The following PDGFRA variants were observed in gnomAD, a reference collection of about 807,000 sequenced individuals.
PDGFRA encodes the protein platelet derived growth factor receptor alpha, also known as platelet-derived growth factor receptor alpha.
In PDGFRA, 25 loss-of-function variants were observed where a neutral mutation model predicts 121.5. The ratio of observed to expected loss-of-function variants is 0.21; its 90% CI spans 0.15 to 0.29. PDGFRA has a LOEUF of 0.29. PDGFRA is among the 10% of genes least tolerant of loss of function. The probability of loss-of-function intolerance (pLI) is 1.00; values close to 1 mark genes in which losing one functional copy is unlikely to be tolerated. For synonymous variants in PDGFRA, 463 were observed against 494.8 expected (o/e 0.94, Z 0.85); for missense variants, 1,008 against 1,345.1 (o/e 0.75, Z 3.92).
At chr4:54,288,208 G>T (rs571382717) in intron 19 of PDGFRA, among the ~76,000 whole-genome samples, 12 of 152,298 alleles carry the variant, frequency 7.9e-5, no homozygotes, top group Admixed American at 2.6e-4. Flanking sequence ...TTCAGAGAGG[G>T]AACTTAACTT....
At chr4:54,286,712 A>G (rs1399471161) in intron 18 of PDGFRA, among the ~76,000 whole-genome samples, 1 of 152,192 alleles carries the variant, frequency 6.6e-6, no homozygotes, top group African/African-American at 2.4e-5. Context: ...ATGCATTCCC[A>G]AGGATGGTGT....
chr4:54,283,749 T>C (rs1724182278), intron 16 of PDGFRA, among the ~76,000 whole-genome samples: 1 of 152,214 alleles, frequency 6.6e-6, no homozygotes, highest in African/African-American at 2.4e-5. Flanking sequence ...TCCAACCTTT[T>C]ATGCTCTGCT....
chr4:54,288,347 A>G (rs1037755161), intron 19 of PDGFRA, among the ~76,000 whole-genome samples: 5 of 152,122 alleles, frequency 3.3e-5, no homozygotes, highest in East Asian at 1.9e-4. Flanking sequence ...GATGATCACA[A>G]TGGATCATCC....
chr4:54,288,966 T>A (rs1264058151), intron 20 of PDGFRA, 43 bp from the exon 21 acceptor site: 52 of 1,515,298 alleles, frequency 3.4e-5, no homozygotes, highest in Non-Finnish European at 4.6e-5. Context: ...GGAGGGGCCC[T>A]GAGACTTCCC....
intron 3 of PDGFRA, among the ~76,000 whole-genome samples, chr4:54,261,929 AT>A: frequency 1.7e-5 from 1 of 60,480 alleles, no homozygotes; most frequent in African/African-American, 6.7e-5. Flanking sequence ...ATATATATAT[AT>A]ATTTTTTTTT....
intron 8 of PDGFRA, among the ~76,000 whole-genome samples, chr4:54,271,930 T>C: frequency 1.1e-5 from 1 of 92,214 alleles, no homozygotes; most frequent in Non-Finnish European, 2.2e-5. Context: ...CTCTTTTCCT[T>C]TCTCTCCTTC....
chr4:54,275,350 C>G (rs955634111), intron 12 of PDGFRA, among the ~76,000 whole-genome samples: 1 of 152,134 alleles, frequency 6.6e-6, no homozygotes, highest in African/African-American at 2.4e-5. Flanking sequence ...TATTTTGATT[C>G]AGTACATTCT....
rs187377235 is a variant in PDGFRA at position 54,255,651 on chromosome 4, G to T, written c.-12-3106G>T. Among the ~76,000 whole-genome samples, 959 of 151,910 alleles carry T rather than the reference G, an allele frequency of 6.3e-3. 6 individuals are homozygous for T. The highest frequency in any genetic ancestry group is 0.021 in the African/African-American group (858 of 41,428). Reference sequence around the variant, plus strand: ...CTCCTGAGTAGCGGGGACTACAGGTGCCTGCCACCACGCCCGGCTAATTTT... The same window carrying T: ...CTCCTGAGTAGCGGGGACTACAGGTTCCTGCCACCACGCCCGGCTAATTTT... On this transcript the variant is annotated intron_variant, in intron 1 of 22. Coordinates refer to ENST00000257290, the MANE Select transcript of PDGFRA (RefSeq NM_006206.6).
Position 54,290,313 on chromosome 4 carries a change from A to G in PDGFRA, c.2881A>G (p.Ser961Gly). The G allele has an allele frequency of 6.2e-7, 1 of 1,609,094 alleles. No homozygotes were observed. Among genetic ancestry groups the G allele is most frequent in the Non-Finnish European group, 8.5e-7 (1 of 1,175,364 alleles). ...AAATATGTTCAATGAATGTTTATAG[A>G]GTTATGAAAAAATTCACCTGGACTT... ...ENLLPGQYKK[S>G]YEKIHLDFLK... The change falls in exon 22 of 23, where the codon AGT (serine) becomes GGT (glycine). Residue 961 changes from serine (S) to glycine (G), a missense_variant and splice_region_variant. Transcript: ENST00000257290.
chr4:54,270,397 T>C (rs1194432105), intron 7 of PDGFRA, among the ~76,000 whole-genome samples: 1 of 152,222 alleles, frequency 6.6e-6, no homozygotes, highest in African/African-American at 2.4e-5. Context: ...CTCTTGGAGA[T>C]GGCCATTGCT....
Position 54,297,087 on chromosome 4 carries a change from T to TG in PDGFRA, c.*1817dup. ...TCTCTGTGTAACCAGCTCAGTGTTTTGGTGGAAAAAACATTTTAAGTTTTA... is the reference window on the plus strand; with the variant it reads ...TCTCTGTGTAACCAGCTCAGTGTTTTGGGTGGAAAAAACATTTTAAGTTTTA... On this transcript the variant is annotated 3_prime_UTR_variant, in exon 23 of 23. Transcript: ENST00000257290. The TG allele has an allele frequency of 4.3e-6, 1 of 233,208 alleles. No individual in the cohort carries two copies. The highest frequency in any genetic ancestry group is 8.5e-6 in the Non-Finnish European group (1 of 118,002). 14.4% of individuals were successfully genotyped at this position (233,208 alleles called of 1,614,324 possible).
chr4:54,229,445 T>G (rs1361446451), intron 1 of PDGFRA, 30 bp downstream of exon 1: 1 of 397,666 alleles, frequency 2.5e-6, no homozygotes, highest in Non-Finnish European at 4.4e-6. Flanking sequence ...GATTTTTTGT[T>G]TATAAGGGAA....
Position 54,295,127 on chromosome 4 carries a change from C to A in PDGFRA, c.3125C>A (p.Ser1042Ter). The A allele has an allele frequency of 6.2e-7, 1 of 1,613,936 alleles. No individual in the cohort carries two copies. The highest frequency in any genetic ancestry group is 8.5e-7 in the Non-Finnish European group (1 of 1,179,846). ...TTGCTCTTCTCTCCCTCCTCCAGCT[C>A]GCAGACCTCTGAAGAGAGTGCCATT... ...EDLGKRNRHS[S>*]QTSEESAIET... Residue 1042 changes from serine to a stop codon, truncating the protein, a stop_gained and splice_region_variant, in exon 23 of 23, where the codon TCG becomes TAG. Coordinates refer to ENST00000257290, the MANE Select transcript of PDGFRA (RefSeq NM_006206.6). LOFTEE classifies it high-confidence loss of function.
At chr4:54,285,066 T>C (rs572438063) in intron 16 of PDGFRA, among the ~76,000 whole-genome samples, 4 of 151,260 alleles carry the variant, frequency 2.6e-5, no homozygotes, top group South Asian at 2.1e-4. Flanking sequence ...GCTAATTTTT[T>C]TGTATTATTA....
chr4:54,260,397 G>GTTTTTTTTTTTTTTTT (rs68009440), intron 2 of PDGFRA, among the ~76,000 whole-genome samples: 1 of 64,600 alleles, frequency 1.5e-5, no homozygotes, highest in African/African-American at 6.8e-5. Flanking sequence ...TTCCATGTGG[G>GTTTTTTTTTTTTTTTT]TTTTTTTTTT....
At chr4:54,267,245 G>A (rs780176854) in intron 5 of PDGFRA, 44 bp from the exon 6 acceptor site, 2 of 1,585,808 alleles carry the variant, frequency 1.3e-6, no homozygotes, top group East Asian at 2.2e-5. Flanking sequence ...TCACTCCTAG[G>A]AGCGAGCTTT....
Position 54,247,459 on chromosome 4 carries a change from A to C in PDGFRA, c.-12-11298A>C, listed in dbSNP as rs545923190. 6.9e-3 allele frequency among the ~76,000 whole-genome samples: 1,057 copies of C among 152,262 alleles called. 9 individuals are homozygous for C. Among genetic ancestry groups the C allele is most frequent in the African/African-American group, 0.024 (996 of 41,522 alleles). ...TAATCCAGCATGTAAACAGAACCAA[A>C]GACAAAAACCACATGATTATCTCAA... On this transcript the variant is annotated intron_variant, in intron 1 of 22. Transcript: ENST00000257290.
At position 54,258,785 on chromosome 4, in the gene PDGFRA, C is replaced by T. The variant is rs754092062; in HGVS notation, c.17C>T (p.Pro6Leu). Reference sequence around the variant, plus strand: ...CCCAGAGCTATGGGGACTTCCCATCCGGCGTTCCTGGTCTTAGGCTGTCTT... The same window carrying T: ...CCCAGAGCTATGGGGACTTCCCATCTGGCGTTCCTGGTCTTAGGCTGTCTT... MGTSH[P>L]AFLVLGCLLT... Residue 6 changes from proline (P) to leucine (L), a missense_variant, in exon 2 of 23, where the codon CCG becomes CTG. Physicochemically the swap from Pro to Leu is moderately conservative, Grantham distance 98 (BLOSUM62 -3). Coordinates refer to ENST00000257290, the MANE Select transcript of PDGFRA (RefSeq NM_006206.6). The T allele has an allele frequency of 6.9e-5, 111 of 1,613,438 alleles. No homozygotes were observed. Among genetic ancestry groups the T allele is most frequent in the East Asian group, 8.9e-5 (4 of 44,900 alleles).
chr4:54,260,390 C>T (rs551174053), intron 2 of PDGFRA, among the ~76,000 whole-genome samples: 1 of 139,820 alleles, frequency 7.2e-6, no homozygotes, highest in Admixed American at 7.4e-5. Context: ...ATTCTTATTC[C>T]ATGTGGGTTT....
Sources: gnomAD v4.1 joint callset for allele counts (sites outside exome capture counted in the v4.1 genomes callset) on GRCh38, gnomAD v4.1.1 for gene constraint, MANE v1.5 for transcripts, NCBI Gene and HGNC (gene_info 2026-07-23, HGNC 2026-07-21) for gene names.